The following MARCHF1 variants were observed in gnomAD, a reference collection of about 807,000 sequenced individuals.
The protein encoded by MARCHF1 is E3 ubiquitin-protein ligase MARCHF1.
In MARCHF1, 40 loss-of-function variants were observed where a neutral mutation model predicts 54.2. That is an observed-to-expected ratio of 0.74 (90% confidence interval 0.57 to 0.96). The LOEUF is 0.96. MARCHF1 is among the 40% of genes least tolerant of loss of function. The pLI is 0.00. For missense variants in MARCHF1, 586 were observed against 656.5 expected, an observed-to-expected ratio of 0.89 and a Z score of 1.17; for synonymous variants, 236 against 236.3, an observed-to-expected ratio of 1.00 and a Z score of 0.01.
intron 4 of MARCHF1, among the ~76,000 whole-genome samples, chr4:163,852,081 C>G (rs1357122379): frequency 6.6e-6 from 1 of 151,954 alleles, no homozygotes; most frequent in East Asian, 1.9e-4. Context: ...ATATCTTTTT[C>G]TTTATATTAA....
At chr4:163,575,116 A>G (rs1222590018) in intron 8 of MARCHF1, among the ~76,000 whole-genome samples, 1 of 151,908 alleles carries the variant, frequency 6.6e-6, no homozygotes, top group Non-Finnish European at 1.5e-5. Flanking sequence ...TCTCAAGCAG[A>G]CTGCATCCAG....
chr4:163,850,683 T>C (rs1054807569), intron 4 of MARCHF1, among the ~76,000 whole-genome samples: 2 of 152,198 alleles, frequency 1.3e-5, no homozygotes, highest in Non-Finnish European at 2.9e-5. Flanking sequence ...AGCCTTCTAG[T>C]TGCATAATGT....
intron 1 of MARCHF1, among the ~76,000 whole-genome samples, chr4:164,352,923 C>A (rs1730400729): frequency 1.4e-5 from 1 of 73,058 alleles, no homozygotes. Flanking sequence ...GAAGATCTAC[C>A]AAGCAAATGG....
chr4:164,170,561 C>T (rs1170201060), intron 1 of MARCHF1, among the ~76,000 whole-genome samples: 1 of 151,994 alleles, frequency 6.6e-6, no homozygotes, highest in African/African-American at 2.4e-5. Flanking sequence ...TAAATGTTTA[C>T]TAAACATTAG....
intron 2 of MARCHF1, among the ~76,000 whole-genome samples, chr4:164,034,092 T>TAGAC (rs1344218750): frequency 4.2e-5 from 6 of 143,984 alleles, no homozygotes; most frequent in African/African-American, 1.0e-4. Context: ...GATAGATAGA[T>TAGAC]AGATAGATAG....
intron 1 of MARCHF1, among the ~76,000 whole-genome samples, chr4:164,229,743 T>G (rs1343701746): frequency 6.6e-6 from 1 of 151,004 alleles, no homozygotes; most frequent in Non-Finnish European, 1.5e-5. Context: ...GAAGGGGGAG[T>G]ACAGACTTCA....
intron 2 of MARCHF1, among the ~76,000 whole-genome samples, chr4:164,096,962 G>A (rs562002820): frequency 5.3e-5 from 8 of 152,016 alleles, no homozygotes; most frequent in Admixed American, 2.0e-4. Context: ...GGAAAACCCC[G>A]GGGAGTCTAC....
intron 7 of MARCHF1, among the ~76,000 whole-genome samples, chr4:163,610,040 T>C (rs1450524999): frequency 6.6e-6 from 1 of 152,104 alleles, no homozygotes; most frequent in Non-Finnish European, 1.5e-5. Flanking sequence ...GTTGTGCTAA[T>C]GGCATTTCCC....
chr4:163,929,997 AT>A (rs1751634235), intron 3 of MARCHF1, among the ~76,000 whole-genome samples: 2 of 125,322 alleles, frequency 1.6e-5, no homozygotes, highest in African/African-American at 3.0e-5. Context: ...TATATAATAT[AT>A]TATATATAAA....
At chr4:164,050,079 A>G (rs1754327580) in intron 2 of MARCHF1, among the ~76,000 whole-genome samples, 1 of 151,954 alleles carries the variant, frequency 6.6e-6, no homozygotes, top group Non-Finnish European at 1.5e-5. Context: ...GTTTGAGACC[A>G]GCCTGGCCAA....
chr4:163,750,270 G>C (rs1466877624), intron 4 of MARCHF1, among the ~76,000 whole-genome samples: 1 of 152,018 alleles, frequency 6.6e-6, no homozygotes, highest in East Asian at 1.9e-4. Context: ...CCAGCAATTT[G>C]GGAGGCCGAG....
chr4:164,174,372 C>T (rs1484548766), intron 1 of MARCHF1, among the ~76,000 whole-genome samples: 1 of 152,172 alleles, frequency 6.6e-6, no homozygotes, highest in Non-Finnish European at 1.5e-5. Context: ...AATATTGTTT[C>T]CTTCCTAGTT....
chr4:163,999,454 A>G (rs1040569585), intron 2 of MARCHF1, among the ~76,000 whole-genome samples: 3 of 151,636 alleles, frequency 2.0e-5, no homozygotes, highest in Non-Finnish European at 3.0e-5. Context: ...TCTACTTAAG[A>G]GTATTCAAAC....
chr4:164,334,268 T>TA (rs886079906), intron 1 of MARCHF1, among the ~76,000 whole-genome samples: 1 of 152,094 alleles, frequency 6.6e-6, no homozygotes, highest in African/African-American at 2.4e-5. Context: ...GTTTCATAGA[T>TA]AGAGAGAGAA....
chr4:164,248,167 T>C (rs1733014601), intron 1 of MARCHF1, among the ~76,000 whole-genome samples: 1 of 152,072 alleles, frequency 6.6e-6, no homozygotes, highest in African/African-American at 2.4e-5. Context: ...ACATACAACT[T>C]TTTAATTAAA....
At chr4:163,547,472 C>T (rs902566427) in intron 8 of MARCHF1, among the ~76,000 whole-genome samples, 33 of 152,124 alleles carry the variant, frequency 2.2e-4, no homozygotes, top group African/African-American at 7.7e-4. Flanking sequence ...TCATTTTCTG[C>T]TCTTTGCTAC....
intron 1 of MARCHF1, among the ~76,000 whole-genome samples, chr4:164,157,237 T>C (rs1008275225): frequency 3.3e-5 from 5 of 151,928 alleles, no homozygotes; most frequent in Non-Finnish European, 7.4e-5. Context: ...TTCATACTTA[T>C]AGTTTCAATA....
At chr4:164,344,201 C>T (rs983815766) in intron 1 of MARCHF1, among the ~76,000 whole-genome samples, 1 of 152,032 alleles carries the variant, frequency 6.6e-6, no homozygotes, top group Non-Finnish European at 1.5e-5. Context: ...AAGAAGGGAA[C>T]AGCAGACACC....
intron 4 of MARCHF1, among the ~76,000 whole-genome samples, chr4:163,754,291 G>C (rs1184124857): frequency 2.0e-5 from 3 of 152,188 alleles, no homozygotes; most frequent in African/African-American, 7.2e-5. Flanking sequence ...GTGGGCATCA[G>C]ACCTTCAGCT....
Sources: allele counts gnomAD v4.1 joint callset (sites outside exome capture counted in the v4.1 genomes callset), GRCh38; gene constraint gnomAD v4.1.1; transcripts MANE v1.5; gene names NCBI Gene and HGNC (gene_info 2026-07-23, HGNC 2026-07-21).